The following DYNC1I2 variants were observed in gnomAD, a reference collection of about 807,000 sequenced individuals.
DYNC1I2 encodes the protein dynein cytoplasmic 1 intermediate chain 2.
In DYNC1I2, 53 loss-of-function variants were observed where a neutral mutation model predicts 88.6. The observed-to-expected ratio is 0.60, with a 90% confidence interval of 0.48 to 0.75. DYNC1I2 has a LOEUF of 0.75. Among genes scored for constraint, DYNC1I2 ranks in the 30% least tolerant of loss-of-function variants. DYNC1I2 has a pLI of 0.00. For missense variants in DYNC1I2, 458 were observed against 766.6 expected, an observed-to-expected ratio of 0.60 and a Z score of 4.75; for synonymous variants, 198 against 254.6, an observed-to-expected ratio of 0.78 and a Z score of 2.12.
At chr2:171,713,010 A>G (rs778817615) in intron 6 of DYNC1I2, among the ~76,000 whole-genome samples, 184 bp downstream of exon 6, 2 of 152,122 alleles carry the variant, frequency 1.3e-5, no homozygotes, top group Non-Finnish European at 2.9e-5. Context: ...GTGATGTTCT[A>G]TGTACCCTGA....
At chr2:171,695,737 A>G (rs774344242) in intron 3 of DYNC1I2, among the ~76,000 whole-genome samples, 21 of 152,188 alleles carry the variant, frequency 1.4e-4, no homozygotes, top group Admixed American at 3.9e-4. Context: ...TTTACTTGCT[A>G]TGTTATTGTA....
In DYNC1I2 at chr2:171,747,955, T is replaced by TAAA; in HGVS notation, c.*66_*67insAAA. 8.6e-7 allele frequency: 1 copy of TAAA among 1,157,320 alleles called. No individual in the cohort carries two copies. The highest frequency in any genetic ancestry group is 1.3e-6 in the Non-Finnish European group (1 of 795,630). The allele number at this position is 1,157,320 out of a possible 1,614,324, so 71.7% of individuals were successfully genotyped here. A position where few individuals can be genotyped will look rare whatever the true frequency, so the allele number is the denominator to read the frequency against. On this transcript the variant is annotated 3_prime_UTR_variant, in exon 18 of 18. Coordinates refer to ENST00000397119, the MANE Select transcript of DYNC1I2 (RefSeq NM_001378.3). ...TTCTTAAGTAGATCCTGAGACTATTTGCATGCTTCTGTCTAAATGATAATT... is the reference window on the plus strand; with the variant it reads ...TTCTTAAGTAGATCCTGAGACTATTTAAAGCATGCTTCTGTCTAAATGATAATT...
rs956704144 is a variant in DYNC1I2 at position 171,737,835 on chromosome 2, G to T, written c.1537-6214G>T. ...TTTTTTTTAACTTTTAGGTTCAGGG[G>T]TACGTTTGCAGGTTTGTTATATAGG... On this transcript the variant is annotated intron_variant, in intron 15 of 17. Transcript: ENST00000397119. Among the ~76,000 whole-genome samples the T allele has an allele frequency of 3.3e-5, 5 of 151,756 alleles. 1 individual carries two copies. The East Asian group carries it at 9.6e-4, about 29-fold the overall frequency.
At chr2:171,689,743 G>T (rs1194028049) in intron 1 of DYNC1I2, among the ~76,000 whole-genome samples, 3 of 151,716 alleles carry the variant, frequency 2.0e-5, no homozygotes, top group Middle Eastern at 3.4e-3. Context: ...TTTTAGAGAC[G>T]CTCTGTTGCC....
intron 17 of DYNC1I2, 47 bp downstream of exon 17, chr2:171,745,974 T>C: frequency 6.2e-7 from 1 of 1,608,802 alleles, no homozygotes; most frequent in African/African-American, 1.3e-5. Context: ...TTTAGTTGCA[T>C]TGTAGTAAAG....
At chr2:171,729,491 CATG>C (rs943767090) in intron 14 of DYNC1I2, among the ~76,000 whole-genome samples, 1 of 152,158 alleles carries the variant, frequency 6.6e-6, no homozygotes, top group Non-Finnish European at 1.5e-5. Flanking sequence ...TTGTCAACAG[CATG>C]ATGTTTACAG....
At chr2:171,727,342 A>G (rs1450627659) in intron 11 of DYNC1I2, among the ~76,000 whole-genome samples, 2 of 152,290 alleles carry the variant, frequency 1.3e-5, no homozygotes, top group African/African-American at 4.8e-5. Context: ...CATATGGTTG[A>G]AGTAGAAAAC....
chr2:171,749,428 A>G lies in DYNC1I2; in HGVS notation c.*1539A>G, dbSNP rs1018391520. On this transcript the variant is annotated 3_prime_UTR_variant, in exon 18 of 18. Transcript: ENST00000397119. ...AATTGCCCATTATATACCAAAGACA[A>G]TATCTCAAGTTATCTCATTGTAGCA... Among the ~76,000 whole-genome samples the G allele has an allele frequency of 5.3e-5, 8 of 152,136 alleles. No homozygotes were observed. The highest frequency in any genetic ancestry group is 9.6e-5 in the African/African-American group (4 of 41,456).
intron 7 of DYNC1I2, among the ~76,000 whole-genome samples, chr2:171,724,876 A>G (rs918144128): frequency 6.6e-6 from 1 of 152,202 alleles, no homozygotes; most frequent in Non-Finnish European, 1.5e-5. Flanking sequence ...CTGGTTTGGG[A>G]TGTAAGAGAT....
chr2:171,704,559 T>G (rs1237670858), intron 3 of DYNC1I2, among the ~76,000 whole-genome samples: 1 of 152,180 alleles, frequency 6.6e-6, no homozygotes, highest in Non-Finnish European at 1.5e-5. Context: ...GCAGATCATA[T>G]CTCAGATACT....
At chr2:171,715,473 T>C (rs1318510411) in intron 7 of DYNC1I2, 30 bp downstream of exon 7, 1 of 1,371,042 alleles carries the variant, frequency 7.3e-7, no homozygotes, top group Admixed American at 2.1e-5. Context: ...ATAATTGTCA[T>C]TGAGCACCTA....
At chr2:171,742,799 T>C (rs560132479) in intron 15 of DYNC1I2, among the ~76,000 whole-genome samples, 1 of 152,326 alleles carries the variant, frequency 6.6e-6, no homozygotes, top group South Asian at 2.1e-4. Flanking sequence ...ACTTACTGCT[T>C]TGTCTCTTTT....
intron 3 of DYNC1I2, among the ~76,000 whole-genome samples, chr2:171,694,806 G>A (rs184061221): frequency 6.6e-6 from 1 of 152,190 alleles, no homozygotes; most frequent in Non-Finnish European, 1.5e-5. Flanking sequence ...GTGAGCAAGA[G>A]CAAGAGGTGG....
chr2:171,715,497 G>C (rs1168882829), intron 7 of DYNC1I2, 54 bp downstream of exon 7: 1 of 1,125,536 alleles, frequency 8.9e-7, no homozygotes, highest in Non-Finnish European at 1.2e-6. Context: ...TAAATACATA[G>C]ATTCTTTTTT....
intron 3 of DYNC1I2, among the ~76,000 whole-genome samples, chr2:171,693,801 CTG>C (rs1685558434): frequency 6.6e-6 from 1 of 152,172 alleles, no homozygotes; most frequent in African/African-American, 2.4e-5. Context: ...AATTTGAAGA[CTG>C]AAGTATATTA....
At chr2:171,693,469 G>A (rs1685538207) in intron 3 of DYNC1I2, among the ~76,000 whole-genome samples, 1 of 152,140 alleles carries the variant, frequency 6.6e-6, no homozygotes, top group Non-Finnish European at 1.5e-5. Context: ...AAATAGTAGA[G>A]GTACACAGGA....
intron 15 of DYNC1I2, among the ~76,000 whole-genome samples, chr2:171,735,405 A>G (rs1292707158): frequency 6.6e-6 from 1 of 152,314 alleles, no homozygotes; most frequent in East Asian, 1.9e-4. Flanking sequence ...CTTTTTGACC[A>G]CTAATGTGAC....
At position 171,729,762 on chromosome 2, in the gene DYNC1I2, T is replaced by C. The variant is rs1210751424; in HGVS notation, c.1445T>C (p.Ile482Thr). 1 of 1,613,358 alleles carries C rather than the reference T, an allele frequency of 6.2e-7. No individual in the cohort carries two copies. The highest frequency in any genetic ancestry group is 8.5e-7 in the Non-Finnish European group (1 of 1,179,760). ...FEGHQGPITG[I>T]HCHAAVGAVD... ...GGGCATCAAGGACCAATCACTGGCA[T>C]CCATTGTCATGCAGCTGTTGGAGCA... Residue 482 changes from isoleucine (I) to threonine (T), a missense_variant, in exon 15 of 18, where the codon ATC becomes ACC. This residue lies in a region of DYNC1I2 where 188 missense variants were observed against 300.4 expected (regional missense o/e 0.63). Coordinates refer to ENST00000397119, the MANE Select transcript of DYNC1I2 (RefSeq NM_001378.3).
At chr2:171,698,639 G>T (rs1368587026) in intron 3 of DYNC1I2, among the ~76,000 whole-genome samples, 2 of 151,982 alleles carry the variant, frequency 1.3e-5, no homozygotes, top group East Asian at 1.9e-4. Context: ...GGAGGCTGAG[G>T]CGGGCGGATC....
Sources: allele counts gnomAD v4.1 joint callset (sites outside exome capture counted in the v4.1 genomes callset), GRCh38; gene constraint gnomAD v4.1.1; regional missense constraint gnomAD v4.1.1; transcripts MANE v1.5; gene names NCBI Gene and HGNC (gene_info 2026-07-23, HGNC 2026-07-21).